FYN: variants seen among roughly 807,000 people sequenced by gnomAD.
FYN encodes the protein tyrosine-protein kinase Fyn.
A neutral mutation model predicts 70.2 loss-of-function variants in FYN; 10 were observed. The ratio of observed to expected loss-of-function variants is 0.14; its 90% CI spans 0.09 to 0.24. FYN has a LOEUF of 0.24. Ranked by LOEUF, FYN falls within the 10% of genes least tolerant of loss-of-function variation. The pLI is 1.00. For missense variants in FYN, 319 were observed against 673.1 expected, an observed-to-expected ratio of 0.47 and a Z score of 5.82; for synonymous variants, 236 against 248.6, an observed-to-expected ratio of 0.95 and a Z score of 0.48.
chr6:111,773,310 A>G (rs1412793776), intron 3 of FYN, among the ~76,000 whole-genome samples: 14 of 103,966 alleles, frequency 1.3e-4, no homozygotes, highest in Non-Finnish European at 1.9e-4. Context: ...GGAGGGAGGG[A>G]AAGAGGGGAG....
At chr6:111,710,215 T>A (rs548523535) in intron 5 of FYN, among the ~76,000 whole-genome samples, 1 of 152,310 alleles carries the variant, frequency 6.6e-6, no homozygotes, top group East Asian at 1.9e-4. Context: ...AAGATAACCT[T>A]CATCAAGTTA....
intron 3 of FYN, among the ~76,000 whole-genome samples, chr6:111,724,365 C>T (rs1445057698): frequency 6.6e-6 from 1 of 152,130 alleles, no homozygotes; most frequent in Non-Finnish European, 1.5e-5. Context: ...CAGGGTGCTT[C>T]GATCCAAGAT....
intron 3 of FYN, among the ~76,000 whole-genome samples, chr6:111,745,614 G>A (rs1159406213): frequency 6.6e-6 from 1 of 151,928 alleles, no homozygotes; most frequent in East Asian, 1.9e-4. Context: ...GTGAAGGAGG[G>A]AGCAGGCCAC....
chr6:111,832,805 A>AT (rs1773063195), intron 2 of FYN, among the ~76,000 whole-genome samples: 1 of 152,172 alleles, frequency 6.6e-6, no homozygotes, highest in Non-Finnish European at 1.5e-5. Flanking sequence ...ACTAGTCAAT[A>AT]TATAATTAAA....
Position 111,678,106 on chromosome 6 carries a change from A to ATGTGTGTG in FYN, c.1274-3477_1274-3476insCACACACA, listed in dbSNP as rs201367268. Among the ~76,000 whole-genome samples the ATGTGTGTG allele has an allele frequency of 8.8e-4, 104 of 118,602 alleles. 1 individual carries two copies. The highest frequency in any genetic ancestry group is 4.4e-3 in the African/African-American group (100 of 22,920). The allele number at this position is 118,602 out of a possible 152,430, so 77.8% of individuals were successfully genotyped here. A position where few individuals can be genotyped will look rare whatever the true frequency, so the allele number is the denominator to read the frequency against. ...GATAAGCCAATACACGAAGGCCATA[A>ATGTGTGTG]TATGTGTGTGTGTGTGTGTGTGTGT... is the stretch of plus-strand genomic sequence containing the variant. On this transcript the variant is annotated intron_variant, in intron 12 of 13. Transcript: ENST00000354650.
At chr6:111,867,288 G>A (rs564174176) in intron 1 of FYN, among the ~76,000 whole-genome samples, 24 of 151,934 alleles carry the variant, frequency 1.6e-4, no homozygotes, top group Admixed American at 1.5e-3. Flanking sequence ...CCTGGCCAAC[G>A]TGGCGAAACC....
At chr6:111,686,406 G>A (rs1204163709) in intron 12 of FYN, among the ~76,000 whole-genome samples, 6 of 152,146 alleles carry the variant, frequency 3.9e-5, no homozygotes, top group African/African-American at 1.2e-4. Context: ...GGAGGGCAGG[G>A]CATTCTGTCG....
At chr6:111,775,774 G>C (rs914037517) in intron 3 of FYN, among the ~76,000 whole-genome samples, 1 of 152,298 alleles carries the variant, frequency 6.6e-6, no homozygotes, top group South Asian at 2.1e-4. Context: ...GGTAGGCCAG[G>C]ATCTGTGCGT....
At chr6:111,831,999 C>T (rs1307111273) in intron 2 of FYN, among the ~76,000 whole-genome samples, 4 of 152,186 alleles carry the variant, frequency 2.6e-5, no homozygotes, top group Admixed American at 1.3e-4. Context: ...CAGGACTACA[C>T]GCTACACCCA....
chr6:111,714,734 C>G (rs1012122080), intron 4 of FYN, among the ~76,000 whole-genome samples: 2 of 152,164 alleles, frequency 1.3e-5, no homozygotes, highest in African/African-American at 4.8e-5. Flanking sequence ...AAAATTGCAT[C>G]CCAAACAAAA....
At chr6:111,735,981 T>C (rs1434782012) in intron 3 of FYN, among the ~76,000 whole-genome samples, 1 of 152,204 alleles carries the variant, frequency 6.6e-6, no homozygotes, top group Non-Finnish European at 1.5e-5. Context: ...GAAATAGGCT[T>C]GCACAGTTGT....
At chr6:111,865,391 C>T (rs1379393286) in intron 1 of FYN, among the ~76,000 whole-genome samples, 1 of 152,212 alleles carries the variant, frequency 6.6e-6, no homozygotes, top group Non-Finnish European at 1.5e-5. Context: ...TACAACAACT[C>T]GGAGTCTTAC....
chr6:111,787,208 G>T, intron 2 of FYN, among the ~76,000 whole-genome samples: 1 of 152,126 alleles, frequency 6.6e-6, no homozygotes, highest in East Asian at 1.9e-4. Context: ...GATCTAACAT[G>T]TAAGTCTTTA....
At chr6:111,706,885 G>A (rs996662279) in intron 6 of FYN, among the ~76,000 whole-genome samples, 16 of 152,070 alleles carry the variant, frequency 1.1e-4, no homozygotes, top group Admixed American at 2.0e-4. Flanking sequence ...CACTGATGAC[G>A]AAACACAGTC....
chr6:111,702,753 G>T, intron 8 of FYN, 132 bp downstream of exon 8: 1 of 807,846 alleles, frequency 1.2e-6, no homozygotes, highest in Non-Finnish European at 1.9e-6. Context: ...TACCATTAAG[G>T]GCTGGCAAAG....
Position 111,699,913 on chromosome 6 carries a change from CTTTTTT to C in FYN, c.862+185_862+190del, listed in dbSNP as rs71021861. 1,789 of 186,506 alleles carry C rather than the reference CTTTTTT, an allele frequency of 9.6e-3. 5 individuals are homozygous for C. The highest frequency in any genetic ancestry group is 0.021 in the Middle Eastern group (11 of 524). The allele number at this position is 186,506 out of a possible 1,614,324, so 11.6% of individuals were successfully genotyped here. A position where few individuals can be genotyped will look rare whatever the true frequency, so the allele number is the denominator to read the frequency against. ...TTTGCCAATTTTGCCCACTTACTAT[CTTTTTT>C]TTTTTTTTTTTTTTTTTTTAGGAAT... On this transcript the variant is annotated intron_variant, in intron 9 of 13. Transcript: ENST00000354650.
intron 3 of FYN, among the ~76,000 whole-genome samples, chr6:111,739,441 G>A (rs1403094688): frequency 6.6e-6 from 1 of 152,244 alleles, no homozygotes; most frequent in Non-Finnish European, 1.5e-5. Context: ...GCCCTGGCAG[G>A]GTTCTGGCTC....
chr6:111,696,411 G>T lies in FYN; in HGVS notation c.908C>A (p.Pro303Gln). The change falls in exon 10 of 14, where the codon CCA becomes CAA. Residue 303 changes from proline (P) to glutamine (Q), a missense_variant. This residue lies in a region of FYN where 112 missense variants were observed against 250.2 expected (regional missense o/e 0.45). Coordinates refer to ENST00000354650, the MANE Select transcript of FYN (RefSeq NM_002037.5). ...GAATGATTCGGGGGACATTGTGCCT[G>T]GTTTAAGAGTCTTTATGGCTACTTT... Reference protein sequence around the residue: ...NTKVAIKTLKPGTMSPESFLE... With the variant: ...NTKVAIKTLKQGTMSPESFLE... The T allele has an allele frequency of 6.2e-7, 1 of 1,611,656 alleles. No individual in the cohort carries two copies. The highest frequency in any genetic ancestry group is 1.3e-5 in the African/African-American group (1 of 75,002).
intron 3 of FYN, among the ~76,000 whole-genome samples, chr6:111,739,971 C>G (rs1801884149): frequency 6.6e-6 from 1 of 152,078 alleles, no homozygotes; most frequent in South Asian, 2.1e-4. Flanking sequence ...TTACAGATGC[C>G]TGCCACCACG....
Sources: allele counts gnomAD v4.1 joint callset (sites outside exome capture counted in the v4.1 genomes callset), GRCh38; gene constraint gnomAD v4.1.1; regional missense constraint gnomAD v4.1.1; transcripts MANE v1.5; gene names NCBI Gene and HGNC (gene_info 2026-07-23, HGNC 2026-07-21).